Variants in MAGED1 observed in about 807,000 individuals in gnomAD.
The protein encoded by MAGED1 is melanoma-associated antigen D1.
MAGED1 carries 3 observed loss-of-function variants against 54.1 expected under a neutral mutation model. The observed-to-expected ratio is 0.06, with a 90% confidence interval of 0.03 to 0.14. The LOEUF (loss-of-function observed/expected upper bound fraction) is 0.14. Ranked by LOEUF, MAGED1 falls within the 10% of genes least tolerant of loss-of-function variation. The pLI is 1.00. For missense variants in MAGED1, 485 were observed against 623.4 expected (o/e 0.78, Z 2.36); for synonymous variants, 217 against 227.3 (o/e 0.95, Z 0.41).
intron 1 of MAGED1, among the ~76,000 whole-genome samples, chrX:51,816,735 GA>G (rs58465198): frequency 0.04 from 4,271 of 105,848 alleles, 200 homozygotes; most frequent in African/African-American, 0.14. Context: ...GTAAAAGAAA[GA>G]AAAAAAAAAA....
intron 1 of MAGED1, among the ~76,000 whole-genome samples, chrX:51,863,779 G>A (rs1015241073): frequency 3.8e-4 from 42 of 110,937 alleles, no homozygotes; most frequent in African/African-American, 1.3e-3. Context: ...TGTCTTCCTT[G>A]GAAAAAATGT....
upstream of MAGED1, among the ~76,000 whole-genome samples, chrX:51,889,234 A>G (rs1160391954): frequency 1.8e-5 from 2 of 112,025 alleles, no homozygotes; most frequent in African/African-American, 3.3e-5. Context: ...TTCCCTGTGT[A>G]TCTGTAATTA....
chrX:51,850,913 A>C (rs1557359720), intron 1 of MAGED1, among the ~76,000 whole-genome samples: 1 of 111,416 alleles, frequency 9.0e-6, no homozygotes, highest in African/African-American at 3.3e-5. Flanking sequence ...AAACAAACAA[A>C]CAAAAAAAAG....
At chrX:51,848,885 T>C (rs782299832) in intron 1 of MAGED1, among the ~76,000 whole-genome samples, 1 of 110,952 alleles carries the variant, frequency 9.0e-6, no homozygotes, top group African/African-American at 3.3e-5. Flanking sequence ...TTTTTCTGTT[T>C]TTTATTTCTT....
intron 1 of MAGED1, among the ~76,000 whole-genome samples, chrX:51,875,633 T>G (rs1927840115): frequency 8.9e-6 from 1 of 111,952 alleles, no homozygotes; most frequent in Admixed American, 9.5e-5. Context: ...ATAATTATTT[T>G]CTTTTCTTTT....
chrX:51,868,234 T>A (rs1927526768), intron 1 of MAGED1, among the ~76,000 whole-genome samples: 1 of 111,679 alleles, frequency 9.0e-6, no homozygotes, highest in Non-Finnish European at 1.9e-5. Flanking sequence ...TATATCTGGG[T>A]TGATGTAAGA....
intron 1 of MAGED1, among the ~76,000 whole-genome samples, chrX:51,864,317 C>A (rs1557360940): frequency 9.0e-6 from 1 of 110,833 alleles, no homozygotes; most frequent in Non-Finnish European, 1.9e-5. Context: ...ATTCTTGATG[C>A]CTTTGTCAAA....
At chrX:51,859,335 CTTGTG>C (rs782333947) in intron 1 of MAGED1, among the ~76,000 whole-genome samples, 6 of 111,679 alleles carry the variant, frequency 5.4e-5, no homozygotes, top group Admixed American at 9.5e-5. Flanking sequence ...ATGTGTTACA[CTTGTG>C]TTGTGATAGT....
intron 1 of MAGED1, among the ~76,000 whole-genome samples, chrX:51,807,135 C>T (rs1475083161): frequency 1.8e-5 from 2 of 111,543 alleles, no homozygotes; most frequent in African/African-American, 3.3e-5. Context: ...CAACACTTGC[C>T]TTTGTCTTGG....
intron 5 of MAGED1, 30 bp downstream of exon 5, chrX:51,897,301 C>T (rs1557364436): frequency 4.3e-6 from 5 of 1,161,846 alleles, no homozygotes; most frequent in Admixed American, 2.2e-5. Context: ...TCCCCAAGCT[C>T]TGCCCTTCCC....
intron 1 of MAGED1, among the ~76,000 whole-genome samples, chrX:51,836,728 CGCCCG>C (rs1242699246): frequency 2.7e-5 from 3 of 109,837 alleles, no homozygotes; most frequent in Non-Finnish European, 5.7e-5. Flanking sequence ...GCACCACCTA[CGCCCG>C]GCTAGTTTTT....
chrX:51,834,633 T>A (rs781939737), intron 1 of MAGED1, among the ~76,000 whole-genome samples: 12 of 112,076 alleles, frequency 1.1e-4, no homozygotes, highest in Non-Finnish European at 2.1e-4. Flanking sequence ...TTTTTATTTT[T>A]TCTTATTGAT....
In MAGED1 at chrX:51,895,220, C is replaced by T. The variant is rs1339305421; in HGVS notation, c.213C>T (p.Ala71=). The T allele has an allele frequency of 2.5e-6, 3 of 1,210,117 alleles. No homozygotes were observed. In the Admixed American group the frequency reaches 6.5e-5, roughly 26 times the overall value. Reference sequence around the variant, plus strand: ...CTGACATTCAGGTTTCAGCAGCTGCCGCTAGGCCTAAGTCAGCCTTTAAAG... The same window carrying T: ...CTGACATTCAGGTTTCAGCAGCTGCTGCTAGGCCTAAGTCAGCCTTTAAAG... The part of the protein sequence containing the change: ...EMADIQVSAA[A]ARPKSAFKVQ... The change falls in exon 3 of 13, where the codon GCC becomes GCT. Residue 71 remains alanine, a synonymous_variant. Coordinates refer to ENST00000326587, the MANE Select transcript of MAGED1 (RefSeq NM_006986.4).
intron 1 of MAGED1, among the ~76,000 whole-genome samples, chrX:51,852,164 A>G (rs1423900132): frequency 1.8e-5 from 2 of 111,605 alleles, no homozygotes; most frequent in Admixed American, 9.5e-5. Context: ...ATCTTCAGAC[A>G]TAACAGCAAA....
intron 1 of MAGED1, among the ~76,000 whole-genome samples, chrX:51,877,277 G>A (rs371415781): frequency 1.8e-5 from 2 of 111,038 alleles, no homozygotes; most frequent in Middle Eastern, 4.7e-3. Flanking sequence ...ATTAAGAAAC[G>A]CTGAGAGTAT....
chrX:51,804,537 A>G (rs1924963416), intron 1 of MAGED1, among the ~76,000 whole-genome samples: 1 of 111,705 alleles, frequency 9.0e-6, no homozygotes, highest in Non-Finnish European at 1.9e-5. Flanking sequence ...TTTTTATTGA[A>G]TAATTTTTAT....
upstream of MAGED1, among the ~76,000 whole-genome samples, chrX:51,889,627 CAAAA>C (rs1170454113): frequency 2.4e-4 from 4 of 16,919 alleles, no homozygotes; most frequent in Admixed American, 1.9e-3. Flanking sequence ...GACTCTGTCT[CAAAA>C]AAAAAAAAAA....
chrX:51,839,193 G>A (rs1288865549), intron 1 of MAGED1, among the ~76,000 whole-genome samples: 1 of 111,541 alleles, frequency 9.0e-6, no homozygotes, highest in Non-Finnish European at 1.9e-5. Context: ...ACTACTATTC[G>A]AACATTTATC....
chrX:51,857,444 G>A (rs1927125649), intron 1 of MAGED1: 1 of 111,558 alleles, frequency 9.0e-6, no homozygotes, highest in Non-Finnish European at 1.9e-5. Flanking sequence ...AATGCATGTG[G>A]AAAGGCTTTC....
Sources: gnomAD v4.1 joint callset for allele counts (sites outside exome capture counted in the v4.1 genomes callset) on GRCh38, gnomAD v4.1.1 for gene constraint, MANE v1.5 for transcripts, NCBI Gene and HGNC (gene_info 2026-07-23, HGNC 2026-07-21) for gene names.